The following KCNJ8 variants were observed in gnomAD, a reference collection of about 807,000 sequenced individuals.
The protein encoded by KCNJ8 is potassium inwardly rectifying channel subfamily J member 8.
In KCNJ8, 13 loss-of-function variants were observed where a neutral mutation model predicts 28.2. The ratio of observed to expected loss-of-function variants is 0.46; its 90% CI spans 0.30 to 0.73. KCNJ8 has a LOEUF of 0.73. Ranked by LOEUF, KCNJ8 falls within the 30% of genes least tolerant of loss-of-function variation. The pLI is 0.07. For missense variants in KCNJ8, 284 were observed against 542.6 expected (o/e 0.52, Z 4.73); for synonymous variants, 188 against 195.9 (o/e 0.96, Z 0.34).
chr12:21,774,201 A>G (rs983928982), intron 1 of KCNJ8, among the ~76,000 whole-genome samples: 1 of 152,208 alleles, frequency 6.6e-6, no homozygotes, highest in Non-Finnish European at 1.5e-5. Flanking sequence ...ATCTGACAAA[A>G]TTATAATAAG....
chr12:21,773,344 C>A lies in KCNJ8; in HGVS notation c.273G>T (p.Trp91Cys). ...LCSWLLFAIM[W>C]WLVAFAHGDI... ...CCCCATGGGCAAAGGCCACCAGCCACCACATGATAGCGAAGAGCAGCCAGC... is the reference window on the plus strand; with the variant it reads ...CCCCATGGGCAAAGGCCACCAGCCAACACATGATAGCGAAGAGCAGCCAGC... The change falls in exon 2 of 3, where the codon TGG becomes TGT. Residue 91 changes from tryptophan (W) to cysteine (C), a missense_variant. Coordinates refer to ENST00000240662, the MANE Select transcript of KCNJ8 (RefSeq NM_004982.4). The surrounding 1 kb of genome is among the most constrained non-coding windows in gnomAD (Gnocchi z 4.6). 1 of 1,614,222 alleles carries A rather than the reference C, an allele frequency of 6.2e-7. No individual in the cohort carries two copies. Among genetic ancestry groups the A allele is most frequent in the South Asian group, 1.1e-5 (1 of 91,082 alleles).
chr12:21,766,702 T>G lies in KCNJ8; in HGVS notation c.375-79A>C. 1 of 1,204,376 alleles carries G rather than the reference T, an allele frequency of 8.3e-7. No homozygotes were observed. The highest frequency in any genetic ancestry group is 1.2e-6 in the Non-Finnish European group (1 of 837,262). 74.6% of individuals were successfully genotyped at this position (1,204,376 alleles called of 1,614,324 possible). On this transcript the variant is annotated intron_variant, in intron 2 of 2. Transcript: ENST00000240662. This position sits in a 1 kb window ranked among gnomAD's most constrained non-coding sequence, Gnocchi z 6.5. Reference sequence around the variant, plus strand: ...AAATATGCCAAGCTGAGCTTTTCATTTTCTTCCACCAAAGACTATTAAATG... The same window carrying G: ...AAATATGCCAAGCTGAGCTTTTCATGTTCTTCCACCAAAGACTATTAAATG...
At position 21,766,406 on chromosome 12, in the gene KCNJ8, C is replaced by T; in HGVS notation, c.592G>A (p.Val198Met). 6.2e-7 allele frequency: 1 copy of T among 1,614,182 alleles called. No homozygotes were observed. The highest frequency in any genetic ancestry group is 8.5e-7 in the Non-Finnish European group (1 of 1,180,042). The change falls in exon 3 of 3, where the codon GTG (valine) becomes ATG (methionine). Residue 198 changes from valine (V) to methionine (M), a missense_variant. By Grantham distance (21) the Val-to-Met change is conservative. Coordinates refer to ENST00000240662, the MANE Select transcript of KCNJ8 (RefSeq NM_004982.4). The surrounding 1 kb of genome is among the most constrained non-coding windows in gnomAD (Gnocchi z 6.5). ...AETLIFSRHA[V>M]IAVRNGKLCF... Reference sequence around the variant, plus strand: ...AGCTTGCCATTTCGGACGGCAATCACAGCATGGCGGCTGAAAATCAAAGTT... The same window carrying T: ...AGCTTGCCATTTCGGACGGCAATCATAGCATGGCGGCTGAAAATCAAAGTT...
At chr12:21,771,667 T>G (rs185766547) in intron 2 of KCNJ8, among the ~76,000 whole-genome samples, 343 of 152,330 alleles carry the variant, frequency 2.3e-3, no homozygotes, top group Middle Eastern at 6.8e-3. Flanking sequence ...ACATTCTCAT[T>G]GGGAGAGAAT....
rs1034800211 is a variant in KCNJ8 at position 21,765,551 on chromosome 12, G to C, written c.*172C>G. ...AGCATAAGCCATGAATCCTCCACTT[G>C]GTGTGTTACTTTTTATTACTACAGA... On this transcript the variant is annotated 3_prime_UTR_variant, in exon 3 of 3. Transcript: ENST00000240662. 1.5e-6 allele frequency: 1 copy of C among 663,084 alleles called. No homozygotes were observed. Among genetic ancestry groups the C allele is most frequent in the African/African-American group, 1.8e-5 (1 of 55,586 alleles). The allele number at this position is 663,084 out of a possible 1,614,324, so 41.1% of individuals were successfully genotyped here. A position where few individuals can be genotyped will look rare whatever the true frequency, so the allele number is the denominator to read the frequency against.
Position 21,773,761 on chromosome 12 carries a change from A to T in KCNJ8, c.-70-75T>A, listed in dbSNP as rs778378839. On this transcript the variant is annotated intron_variant, in intron 1 of 2. Transcript: ENST00000240662. This position sits in a 1 kb window ranked among gnomAD's most constrained non-coding sequence, Gnocchi z 4.6. ...ACCTCTTGGGTCCTTGTATTCAAGG[A>T]TATGTCTGTACATGTGCGAGGTGAC... 5 of 1,116,172 alleles carry T rather than the reference A, an allele frequency of 4.5e-6. No individual in the cohort carries two copies. Among genetic ancestry groups the T allele is most frequent in the Non-Finnish European group, 6.6e-6 (5 of 757,144 alleles). The allele number at this position is 1,116,172 out of a possible 1,614,324, so 69.1% of individuals were successfully genotyped here.
chr12:21,766,577 T>C lies in KCNJ8; in HGVS notation c.421A>G (p.Ile141Val). The change falls in exon 3 of 3, where the codon ATT becomes GTT. Residue 141 changes from isoleucine (I) to valine (V), a missense_variant. Physicochemically the swap from Ile to Val is conservative, Grantham distance 29. Coordinates refer to ENST00000240662, the MANE Select transcript of KCNJ8 (RefSeq NM_004982.4). This position sits in a 1 kb window ranked among gnomAD's most constrained non-coding sequence, Gnocchi z 6.5. ...GTCATCATCCTCCCTCCAAACCCAA[T>C]GGTAACTTGAACTTCAATGGAGAAG... The part of the protein sequence containing the change: ...FLFSIEVQVT[I>V]GFGGRMMTEE... 6.2e-7 allele frequency: 1 copy of C among 1,604,604 alleles called. No individual in the cohort carries two copies. Among genetic ancestry groups the C allele is most frequent in the Non-Finnish European group, 8.5e-7 (1 of 1,179,818 alleles).
Position 21,773,674 on chromosome 12 carries a change from G to A in KCNJ8, c.-58C>T, listed in dbSNP as rs1323009890. The A allele has an allele frequency of 3.7e-6, 6 of 1,603,524 alleles. No homozygotes were observed. The East Asian group carries it at 1.3e-4, about 36-fold the overall frequency. ...CCTCTCACCTGCCTCTCCGTCCCTG[G>A]ACACCCGTCCTCCTGCACGAGGGAA... On this transcript the variant is annotated 5_prime_UTR_variant, in exon 2 of 3. Transcript: ENST00000240662. This position sits in a 1 kb window ranked among gnomAD's most constrained non-coding sequence, Gnocchi z 4.6.
Position 21,766,504 on chromosome 12 carries a change from A to G in KCNJ8, c.494T>C (p.Val165Ala), listed in dbSNP as rs1340488325. Residue 165 changes from valine to alanine, a missense_variant, in exon 3 of 3, where the codon GTG becomes GCG. Val to Ala is a moderately conservative substitution (Grantham distance 64). Transcript: ENST00000240662. The surrounding 1 kb of genome is among the most constrained non-coding windows in gnomAD (Gnocchi z 6.5). ...CATGACTGCATTGATGATCAAACCCACAATATTCTGGAGAATCAAAACCGT... is the reference window on the plus strand; with the variant it reads ...CATGACTGCATTGATGATCAAACCCGCAATATTCTGGAGAATCAAAACCGT... ...AITVLILQNI[V>A]GLIINAVMLG... The G allele has an allele frequency of 1.2e-6, 2 of 1,613,918 alleles. No homozygotes were observed. The highest frequency in any genetic ancestry group is 8.5e-7 in the Non-Finnish European group (1 of 1,180,032).
rs551395289 is a variant in KCNJ8 at position 21,771,010 on chromosome 12, G to A, written c.374+2233C>T. On this transcript the variant is annotated intron_variant, in intron 2 of 2. Coordinates refer to ENST00000240662, the MANE Select transcript of KCNJ8 (RefSeq NM_004982.4). Reference sequence around the variant, plus strand: ...CTTTTGATTAGCTTTTAAGTGAAGTGCGAAAGTTGCCTTTCTCTTTTGTTG... The same window carrying A: ...CTTTTGATTAGCTTTTAAGTGAAGTACGAAAGTTGCCTTTCTCTTTTGTTG... Among the ~76,000 whole-genome samples, 11 of 152,310 alleles carry A rather than the reference G, an allele frequency of 7.2e-5. No homozygotes were observed. In the East Asian group the frequency reaches 1.7e-3, roughly 24 times the overall value.
At position 21,773,512 on chromosome 12, in the gene KCNJ8, G is replaced by A. The variant is rs756626870; in HGVS notation, c.105C>T (p.Arg35=). ...PRIRDRLPKA[R]FIAKSGACNL... is the part of the protein sequence containing the mutation. ...TGCAGGCCCCGCTCTTGGCGATGAA[G>A]CGGGCTTTGGGGAGGCGGTCTCGGA... Residue 35 remains arginine (R), a synonymous_variant, in exon 2 of 3, where the codon CGC becomes CGT. Transcript: ENST00000240662. The surrounding 1 kb of genome is among the most constrained non-coding windows in gnomAD (Gnocchi z 4.6). 2.5e-6 allele frequency: 4 copies of A among 1,614,266 alleles called. No homozygotes were observed. In the South Asian group the frequency reaches 4.4e-5, roughly 18 times the overall value.
intron 2 of KCNJ8, among the ~76,000 whole-genome samples, chr12:21,771,032 G>C (rs1282526952): frequency 1.3e-5 from 2 of 152,136 alleles, no homozygotes; most frequent in Non-Finnish European, 2.9e-5. Context: ...TTTCTCTTTT[G>C]TTGCTAAAAT....
chr12:21,769,949 A>G (rs2137049654), intron 2 of KCNJ8, among the ~76,000 whole-genome samples: 1 of 152,332 alleles, frequency 6.6e-6, no homozygotes, highest in Middle Eastern at 3.4e-3. Context: ...TTGAAATGAC[A>G]ACAAAGAATT....
At chr12:21,772,767 C>T (rs1940792096) in intron 2 of KCNJ8, among the ~76,000 whole-genome samples, 1 of 152,184 alleles carries the variant, frequency 6.6e-6, no homozygotes, top group South Asian at 2.1e-4. Flanking sequence ...AGGACACTCT[C>T]CCCCTAGGGC....
Position 21,766,661 on chromosome 12 carries a change from C to T in KCNJ8, c.375-38G>A. Reference sequence around the variant, plus strand: ...ATATCAGAAAAGAACACCATCAGGTCACATTTTGAATAATGAAATATGCCA... The same window carrying T: ...ATATCAGAAAAGAACACCATCAGGTTACATTTTGAATAATGAAATATGCCA... On this transcript the variant is annotated intron_variant, in intron 2 of 2. Coordinates refer to ENST00000240662, the MANE Select transcript of KCNJ8 (RefSeq NM_004982.4). The surrounding 1 kb of genome is among the most constrained non-coding windows in gnomAD (Gnocchi z 6.5). 6.7e-7 allele frequency: 1 copy of T among 1,500,408 alleles called. No homozygotes were observed. The highest frequency in any genetic ancestry group is 9.2e-7 in the Non-Finnish European group (1 of 1,092,440). 92.9% of individuals were successfully genotyped at this position (1,500,408 alleles called of 1,614,324 possible).
In KCNJ8 at chr12:21,765,432, G is replaced by A. The variant is rs1320317465; in HGVS notation, c.*291C>T. ...TTGTGCTCAAGGCCTGTTACTATTAGTGTAATTCTTGTGTTTCAAATTGAG... is the reference window on the plus strand; with the variant it reads ...TTGTGCTCAAGGCCTGTTACTATTAATGTAATTCTTGTGTTTCAAATTGAG... On this transcript the variant is annotated 3_prime_UTR_variant, in exon 3 of 3. Coordinates refer to ENST00000240662, the MANE Select transcript of KCNJ8 (RefSeq NM_004982.4). 2.2e-6 allele frequency: 1 copy of A among 456,210 alleles called. No homozygotes were observed. Among genetic ancestry groups the A allele is most frequent in the Non-Finnish European group, 4.0e-6 (1 of 247,550 alleles). 28.3% of individuals were successfully genotyped at this position (456,210 alleles called of 1,614,324 possible).
At position 21,765,556 on chromosome 12, in the gene KCNJ8, G is replaced by A. The variant is rs1940597354; in HGVS notation, c.*167C>T. On this transcript the variant is annotated 3_prime_UTR_variant, in exon 3 of 3. Transcript: ENST00000240662. Reference sequence around the variant, plus strand: ...AAGCCATGAATCCTCCACTTGGTGTGTTACTTTTTATTACTACAGAAAGTG... The same window carrying A: ...AAGCCATGAATCCTCCACTTGGTGTATTACTTTTTATTACTACAGAAAGTG... The A allele has an allele frequency of 3.0e-6, 2 of 677,384 alleles. No individual in the cohort carries two copies. The highest frequency in any genetic ancestry group is 5.3e-6 in the Non-Finnish European group (2 of 379,388). The allele number at this position is 677,384 out of a possible 1,614,324, so 42.0% of individuals were successfully genotyped here.
Position 21,765,183 on chromosome 12 carries a change from T to A in KCNJ8, c.*540A>T, listed in dbSNP as rs560484793. ...TCACCGACAGACAAAGCGAATGAACTGAATCCACTTACAAACAGATCCACT... is the reference window on the plus strand; with the variant it reads ...TCACCGACAGACAAAGCGAATGAACAGAATCCACTTACAAACAGATCCACT... On this transcript the variant is annotated 3_prime_UTR_variant, in exon 3 of 3. Transcript: ENST00000240662. The A allele has an allele frequency of 5.4e-6, 1 of 185,766 alleles. No homozygotes were observed. The highest frequency in any genetic ancestry group is 1.1e-4 in the South Asian group (1 of 8,908). The allele number at this position is 185,766 out of a possible 1,614,324, so 11.5% of individuals were successfully genotyped here. A position where few individuals can be genotyped will look rare whatever the true frequency, so the allele number is the denominator to read the frequency against.
rs1181186825 is a variant in KCNJ8 at position 21,765,991 on chromosome 12, G to C, written c.1007C>G (p.Ser336Cys). The change falls in exon 3 of 3, where the codon TCT (serine) becomes TGT (cysteine). Residue 336 changes from serine to cysteine, a missense_variant. This residue lies in a region of KCNJ8 where 107 missense variants were observed against 235.6 expected (regional missense o/e 0.45). Coordinates refer to ENST00000240662, the MANE Select transcript of KCNJ8 (RefSeq NM_004982.4). ...SIVTEEEGVY[S>C]VDYSKFGNTV... ...GTTGCCAAATTTGGAGTAATCCACA[G>C]AATACACTCCTTCTTCCTCAGTCAC... The C allele has an allele frequency of 6.2e-7, 1 of 1,614,078 alleles. No individual in the cohort carries two copies. The highest frequency in any genetic ancestry group is 8.5e-7 in the Non-Finnish European group (1 of 1,180,048).
Sources: gnomAD v4.1 joint callset for allele counts (sites outside exome capture counted in the v4.1 genomes callset) on GRCh38, gnomAD v4.1.1 for gene constraint, gnomAD v4.1.1 regional missense constraint, Gnocchi (gnomAD v3.1) non-coding constraint, MANE v1.5 for transcripts, NCBI Gene and HGNC (gene_info 2026-07-23, HGNC 2026-07-21) for gene names.